PRKAB1: variants seen among roughly 807,000 people sequenced by gnomAD.
PRKAB1 encodes protein kinase AMP-activated non-catalytic subunit beta 1, also known as 5'-AMP-activated protein kinase subunit beta-1.
In PRKAB1, 18 loss-of-function variants were observed where a neutral mutation model predicts 32.0. The ratio of observed to expected loss-of-function variants is 0.56; its 90% CI spans 0.39 to 0.83. PRKAB1 has a LOEUF of 0.83. Ranked by LOEUF, PRKAB1 falls within the 40% of genes least tolerant of loss-of-function variation. The probability of loss-of-function intolerance (pLI) is 0.00; values close to 1 mark genes in which losing one functional copy is unlikely to be tolerated. For missense variants in PRKAB1, 263 were observed against 352.6 expected (o/e 0.75, Z 2.03); for synonymous variants, 141 against 141.4 (o/e 1.00, Z 0.02).
Position 119,681,136 on chromosome 12 carries a change from T to G in PRKAB1, c.*811T>G, listed in dbSNP as rs1955461451. 6.6e-6 allele frequency: 1 copy of G among 152,418 alleles called. No homozygotes were observed. Among genetic ancestry groups the G allele is most frequent in the Admixed American group, 6.5e-5 (1 of 15,290 alleles). 9.4% of individuals were successfully genotyped at this position (152,418 alleles called of 1,614,324 possible). ...GTTAGCTGGCAGGTTGTCCAGCTTT[T>G]TATTCCAGTCATAATAGGTGACAGT... On this transcript the variant is annotated 3_prime_UTR_variant, in exon 7 of 7. Transcript: ENST00000229328.
At position 119,668,191 on chromosome 12, in the gene PRKAB1, C is replaced by G. The variant is rs1354998981; in HGVS notation, c.-54C>G. ...TCCGGGAGTCCCTTGCTCAGGGTCC[C>G]TTTCCTGCAGTGAGGCGCCGTCCGC... On this transcript the variant is annotated 5_prime_UTR_variant, in exon 1 of 7. Transcript: ENST00000229328. 12 of 1,491,104 alleles carry G rather than the reference C, an allele frequency of 8.0e-6. No homozygotes were observed. The South Asian group carries it at 1.4e-4, about 17-fold the overall frequency. 92.4% of individuals were successfully genotyped at this position (1,491,104 alleles called of 1,614,324 possible).
In PRKAB1 at chr12:119,674,146, C is replaced by A; in HGVS notation, c.417+89C>A. 3 of 1,315,014 alleles carry A rather than the reference C, an allele frequency of 2.3e-6. No individual in the cohort carries two copies. Among genetic ancestry groups the A allele is most frequent in the South Asian group, 2.6e-5 (2 of 77,130 alleles). The allele number at this position is 1,315,014 out of a possible 1,614,324, so 81.5% of individuals were successfully genotyped here. A position where few individuals can be genotyped will look rare whatever the true frequency, so the allele number is the denominator to read the frequency against. ...AGAGATTGCCGCTAGGTCCCTTTGC[C>A]CAGCTAGTAAAAGTCCCCGTGTGTG... On this transcript the variant is annotated intron_variant, in intron 3 of 6. Transcript: ENST00000229328. The surrounding 1 kb of genome is among the most constrained non-coding windows in gnomAD (Gnocchi z 4.3).
rs1357327259 is a variant in PRKAB1 at position 119,679,856 on chromosome 12, T to C, written c.667-77T>C. 9.5e-6 allele frequency: 14 copies of C among 1,477,164 alleles called. No homozygotes were observed. The highest frequency in any genetic ancestry group is 1.2e-5 in the Non-Finnish European group (13 of 1,055,720). The allele number at this position is 1,477,164 out of a possible 1,614,324, so 91.5% of individuals were successfully genotyped here. A position where few individuals can be genotyped will look rare whatever the true frequency, so the allele number is the denominator to read the frequency against. On this transcript the variant is annotated intron_variant, in intron 5 of 6. Coordinates refer to ENST00000229328, the MANE Select transcript of PRKAB1 (RefSeq NM_006253.5). The surrounding 1 kb of genome is among the most constrained non-coding windows in gnomAD (Gnocchi z 4.1). ...GAGCGCTGCCTCCTGTCCTTTGATA[T>C]CTGGCACTGGGAAGTAAAGGGGAGA...
At chr12:119,671,556 C>T (rs939845544) in intron 1 of PRKAB1, 1 of 368,150 alleles carries the variant, frequency 2.7e-6, no homozygotes, top group African/African-American at 2.1e-5. Flanking sequence ...ACCATCAGAT[C>T]TCATGAGACT....
intron 1 of PRKAB1, 129 bp downstream of exon 1, chr12:119,668,532 A>C (rs1385931025): frequency 3.1e-6 from 4 of 1,282,562 alleles, no homozygotes; most frequent in South Asian, 1.5e-5. Context: ...TACCCGGTGC[A>C]CTTAAAAGCC....
intron 5 of PRKAB1, chr12:119,677,655 G>A (rs1280051999): frequency 6.6e-6 from 1 of 152,124 alleles, no homozygotes; most frequent in Non-Finnish European, 1.5e-5. Context: ...AGGACATGTA[G>A]CTTCTGCCTT....
At position 119,672,330 on chromosome 12, in the gene PRKAB1, G is replaced by C; in HGVS notation, c.189G>C (p.Trp63Cys). 1 of 1,610,382 alleles carries C rather than the reference G, an allele frequency of 6.2e-7. No homozygotes were observed. The highest frequency in any genetic ancestry group is 8.5e-7 in the Non-Finnish European group (1 of 1,178,378). The stretch of plus-strand genomic sequence containing the variant: ...CAGAGAAGGAGGAATTCCTGGCCTG[G>C]CAGCATGATCTGGAAGTGAATGATA... ...KAPEKEEFLA[W>C]QHDLEVNDKA... Residue 63 changes from tryptophan (W) to cysteine (C), a missense_variant, in exon 2 of 7, where the codon TGG becomes TGC. Trp to Cys is a radical substitution (Grantham distance 215, BLOSUM62 -2). Transcript: ENST00000229328.
Position 119,672,453 on chromosome 12 carries a change from C to T in PRKAB1, c.312C>T (p.Pro104=), listed in dbSNP as rs373970765. 1 of 1,583,280 alleles carries T rather than the reference C, an allele frequency of 6.3e-7. No homozygotes were observed. Among genetic ancestry groups the T allele is most frequent in the African/African-American group, 1.4e-5 (1 of 73,768 alleles). The change falls in exon 2 of 7, where the codon CCC becomes CCT. Residue 104 remains proline (P), a synonymous_variant. Coordinates refer to ENST00000229328, the MANE Select transcript of PRKAB1 (RefSeq NM_006253.5). ...SGSFNNWSKL[P]LTRSHNNFVA... is the part of the protein sequence containing the mutation. ...CCTTCAACAACTGGAGTAAACTTCC[C>T]CTCACCAGAAGGTAATTGCCTGGGG...
Position 119,680,486 on chromosome 12 carries a change from G to C in PRKAB1, c.*161G>C. On this transcript the variant is annotated 3_prime_UTR_variant, in exon 7 of 7. Transcript: ENST00000229328. The stretch of plus-strand genomic sequence containing the variant: ...CTGCTTGAAGGTTTGTCCAGGCAGA[G>C]CAGCTCCTGCAGCGCCTCGGTCTGT... 4 of 709,580 alleles carry C rather than the reference G, an allele frequency of 5.6e-6. No homozygotes were observed. Among genetic ancestry groups the C allele is most frequent in the South Asian group, 1.8e-5 (1 of 55,526 alleles). The allele number at this position is 709,580 out of a possible 1,614,324, so 44.0% of individuals were successfully genotyped here.
In PRKAB1 at chr12:119,674,910, A is replaced by C. The variant is rs1307099378; in HGVS notation, c.532+456A>C. ...TGTGGTACATTAGCACCTTGTCAGA[A>C]TCCCTTTGGGGAGGATGCGGCTCCC... On this transcript the variant is annotated intron_variant, in intron 4 of 6. Coordinates refer to ENST00000229328, the MANE Select transcript of PRKAB1 (RefSeq NM_006253.5). This position sits in a 1 kb window ranked among gnomAD's most constrained non-coding sequence, Gnocchi z 4.3. 5.9e-5 allele frequency among the ~76,000 whole-genome samples: 9 copies of C among 152,210 alleles called. No homozygotes were observed. Among genetic ancestry groups the C allele is most frequent in the African/African-American group, 7.2e-5 (3 of 41,458 alleles).
rs1955405211 is a variant in PRKAB1 at position 119,673,969 on chromosome 12, A to G, written c.329A>G (p.Asn110Ser). ...WSKLPLTRSH[N>S]NFVAILDLPE... Reference sequence around the variant, plus strand: ...TGCTTCCTTTTTCCTTGCAGCCACAATAACTTTGTAGCCATCCTGGATCTG... The same window carrying G: ...TGCTTCCTTTTTCCTTGCAGCCACAGTAACTTTGTAGCCATCCTGGATCTG... The change falls in exon 3 of 7, where the codon AAT becomes AGT. Residue 110 changes from asparagine (N) to serine (S), a missense_variant. Transcript: ENST00000229328. 4 of 1,612,778 alleles carry G rather than the reference A, an allele frequency of 2.5e-6. No individual in the cohort carries two copies. Among genetic ancestry groups the G allele is most frequent in the Admixed American group, 1.7e-5 (1 of 59,736 alleles).
At chr12:119,677,995 G>C (rs1955438833) in intron 5 of PRKAB1, 1 of 152,086 alleles carries the variant, frequency 6.6e-6, no homozygotes, top group Non-Finnish European at 1.5e-5. Context: ...CGATCTCCTA[G>C]CCTCGTGATC....
intron 6 of PRKAB1, 49 bp from the exon 7 acceptor site, chr12:119,680,199 G>C: frequency 6.3e-7 from 1 of 1,577,714 alleles, no homozygotes; most frequent in East Asian, 2.2e-5. Flanking sequence ...GTCCTCTGAG[G>C]CTTGAGCCCC....
At chr12:119,668,062 A>T, upstream of PRKAB1, 1 of 702,894 alleles carries the variant, frequency 1.4e-6, no homozygotes, top group Non-Finnish European at 2.1e-6. Flanking sequence ...CGCGATTGCG[A>T]GAGCTCGGCA....
intron 1 of PRKAB1, chr12:119,671,409 AG>A: frequency 3.1e-6 from 1 of 318,474 alleles, no homozygotes; most frequent in East Asian, 9.2e-5. Context: ...TAATTTATAA[AG>A]AAAAGAGGTT....
At chr12:119,669,425 G>A (rs907945999) in intron 1 of PRKAB1, 1 of 150,250 alleles carries the variant, frequency 6.7e-6, no homozygotes, top group Non-Finnish European at 1.5e-5. Flanking sequence ...CCGCCACCAC[G>A]CCCGGCTAAT....
In PRKAB1 at chr12:119,680,407, C is replaced by A; in HGVS notation, c.*82C>A. The stretch of plus-strand genomic sequence containing the variant: ...CATGCTTTCCCCAAGAGGGAATGGA[C>A]TGTACATTGCTCATTTCACACTCTT... On this transcript the variant is annotated 3_prime_UTR_variant, in exon 7 of 7. Transcript: ENST00000229328. 7.6e-7 allele frequency: 1 copy of A among 1,323,054 alleles called. No individual in the cohort carries two copies. Among genetic ancestry groups the A allele is most frequent in the Non-Finnish European group, 1.1e-6 (1 of 928,656 alleles). The allele number at this position is 1,323,054 out of a possible 1,614,324, so 82.0% of individuals were successfully genotyped here. A position where few individuals can be genotyped will look rare whatever the true frequency, so the allele number is the denominator to read the frequency against.
chr12:119,674,323 T>C lies in PRKAB1; in HGVS notation c.418-17T>C. 1 of 1,569,284 alleles carries C rather than the reference T, an allele frequency of 6.4e-7. No homozygotes were observed. Among genetic ancestry groups the C allele is most frequent in the Non-Finnish European group, 8.8e-7 (1 of 1,139,856 alleles). ...GACCTTCCACGTTATGATTTCTGCC[T>C]ATCTGTCTCTTCCCAGCCCATAGTA... On this transcript the variant is annotated splice_polypyrimidine_tract_variant and intron_variant, in intron 3 of 6. Transcript: ENST00000229328. This position sits in a 1 kb window ranked among gnomAD's most constrained non-coding sequence, Gnocchi z 4.3.
At position 119,680,351 on chromosome 12, in the gene PRKAB1, G is replaced by C; in HGVS notation, c.*26G>C. The C allele has an allele frequency of 6.3e-7, 1 of 1,588,968 alleles. No homozygotes were observed. Among genetic ancestry groups the C allele is most frequent in the Non-Finnish European group, 8.6e-7 (1 of 1,158,968 alleles). On this transcript the variant is annotated 3_prime_UTR_variant, in exon 7 of 7. Coordinates refer to ENST00000229328, the MANE Select transcript of PRKAB1 (RefSeq NM_006253.5). The stretch of plus-strand genomic sequence containing the variant: ...AGAGCTGGGGGCGGATGGTGGCCCA[G>C]GAGACAGCACACCACCAGGCTCCAC...
Sources: allele counts gnomAD v4.1 joint callset (sites outside exome capture counted in the v4.1 genomes callset), GRCh38; gene constraint gnomAD v4.1.1; non-coding constraint Gnocchi (gnomAD v3.1); transcripts MANE v1.5; gene names NCBI Gene and HGNC (gene_info 2026-07-23, HGNC 2026-07-21).